NCOR2: variants seen among roughly 807,000 people sequenced by gnomAD.
The protein encoded by NCOR2 is nuclear receptor corepressor 2.
NCOR2 carries 81 observed loss-of-function variants against 262.9 expected under a neutral mutation model. The observed-to-expected ratio is 0.31, with a 90% CI of 0.26 to 0.37. The LOEUF is 0.37. Ranked by LOEUF, NCOR2 falls within the 10% of genes least tolerant of loss-of-function variation. The probability of loss-of-function intolerance (pLI) is 1.00; values close to 1 mark genes in which losing one functional copy is unlikely to be tolerated. For synonymous variants in NCOR2, 1,659 were observed against 1,559.3 expected (o/e 1.06, Z -1.51); for missense variants, 3,385 against 3,621.4 (o/e 0.93, Z 1.68).
chr12:124,387,879 C>T (rs1186451242), intron 16 of NCOR2, among the ~76,000 whole-genome samples: 1 of 152,086 alleles, frequency 6.6e-6, no homozygotes, highest in African/African-American at 2.4e-5. Context: ...GGGCGGGTCT[C>T]CCATCTGGGC....
chr12:124,515,777 CATGT>C (rs1034460481), intron 1 of NCOR2, among the ~76,000 whole-genome samples: 2 of 151,510 alleles, frequency 1.3e-5, no homozygotes, highest in African/African-American at 2.4e-5. Context: ...CGTGAGTGTG[CATGT>C]ATGTGTGTGC....
chr12:124,508,119 C>T (rs1219296913), intron 1 of NCOR2, among the ~76,000 whole-genome samples: 3 of 152,256 alleles, frequency 2.0e-5, no homozygotes, highest in Non-Finnish European at 2.9e-5. Flanking sequence ...CTCCTGCCTC[C>T]CCAACCCATC....
At chr12:124,400,806 G>T in intron 14 of NCOR2, 133 bp from the exon 17 acceptor site, 1 of 1,178,724 alleles carries the variant, frequency 8.5e-7, no homozygotes, top group Non-Finnish European at 1.2e-6. Flanking sequence ...CTAGGAAAGA[G>T]GGGGAGAGGC....
intron 13 of NCOR2, among the ~76,000 whole-genome samples, chr12:124,405,765 C>T (rs933569423): frequency 1.3e-5 from 2 of 152,174 alleles, no homozygotes; most frequent in Non-Finnish European, 2.9e-5. Flanking sequence ...TGGGGGGACC[C>T]GGCAGCCGGC....
intron 27 of NCOR2, among the ~76,000 whole-genome samples, chr12:124,353,513 C>T (rs1043745355): frequency 2.0e-5 from 3 of 152,240 alleles, no homozygotes; most frequent in Admixed American, 6.5e-5. Context: ...CATGCATGCA[C>T]GTGTGCAAGT....
chr12:124,459,811 A>G (rs1038312622), intron 5 of NCOR2, among the ~76,000 whole-genome samples: 5 of 152,096 alleles, frequency 3.3e-5, no homozygotes, highest in African/African-American at 1.2e-4. Context: ...TGCCACCCTG[A>G]GCACCAAATC....
At chr12:124,436,655 A>G (rs1163412618) in intron 8 of NCOR2, among the ~76,000 whole-genome samples, 2 of 152,200 alleles carry the variant, frequency 1.3e-5, no homozygotes, top group African/African-American at 4.8e-5. Flanking sequence ...ACTGGTTCAC[A>G]GGACGCAGGC....
intron 3 of NCOR2, among the ~76,000 whole-genome samples, chr12:124,479,373 GCACA>G (rs200579269): frequency 0.017 from 2,566 of 151,292 alleles, 66 homozygotes; most frequent in African/African-American, 0.059. Flanking sequence ...GCACACTCAC[GCACA>G]CACACAAACA....
At chr12:124,374,791 T>A (rs537653031) in intron 18 of NCOR2, among the ~76,000 whole-genome samples, 2 of 152,360 alleles carry the variant, frequency 1.3e-5, no homozygotes, top group East Asian at 3.9e-4. Flanking sequence ...ATCAGCCTCC[T>A]GGTGGAACCA....
intron 24 of NCOR2, 138 bp downstream of exon 26, chr12:124,355,294 G>C: frequency 9.2e-7 from 1 of 1,085,990 alleles, no homozygotes. Flanking sequence ...GACCCAGCCA[G>C]CTCAGACCCC....
At chr12:124,337,272 C>T in intron 37 of NCOR2, 92 bp from the exon 40 acceptor site, 1 of 1,398,162 alleles carries the variant, frequency 7.2e-7, no homozygotes, top group Non-Finnish European at 9.9e-7. Context: ...GGGATAAATC[C>T]ACATCCCCTG....
intron 37 of NCOR2, among the ~76,000 whole-genome samples, chr12:124,338,887 A>T (rs2036129105): frequency 7.0e-6 from 1 of 142,738 alleles, no homozygotes; most frequent in African/African-American, 2.5e-5. Flanking sequence ...TCCATCATCC[A>T]CCTAACCCTA....
chr12:124,432,680 G>C lies in NCOR2; in HGVS notation c.883-1893C>G, dbSNP rs968698424. The stretch of plus-strand genomic sequence containing the variant: ...CCCAGCCTCACCCCAAGGACCAGCT[G>C]TGAGGACCCCAGCAGCTCCCAGAGA... On this transcript the variant is annotated intron_variant, in intron 8 of 46. Coordinates refer to ENST00000405201, the Ensembl canonical transcript of NCOR2. The surrounding 1 kb of genome is among the most constrained non-coding windows in gnomAD (Gnocchi z 5.1). Among the ~76,000 whole-genome samples the C allele has an allele frequency of 6.6e-6, 1 of 152,192 alleles. No homozygotes were observed. Among genetic ancestry groups the C allele is most frequent in the Non-Finnish European group, 1.5e-5 (1 of 68,030 alleles).
chr12:124,379,114 G>C (rs1330870635), intron 17 of NCOR2, among the ~76,000 whole-genome samples: 1 of 42,406 alleles, frequency 2.4e-5, no homozygotes, highest in Non-Finnish European at 6.8e-5. Flanking sequence ...TGACGGCGGA[G>C]GGAATGGGCC....
At chr12:124,534,504 T>C (rs1273538024) in intron 1 of NCOR2, among the ~76,000 whole-genome samples, 1 of 152,006 alleles carries the variant, frequency 6.6e-6, no homozygotes, top group African/African-American at 2.4e-5. Flanking sequence ...CACTGTCATA[T>C]ATGCGGTCCA....
At chr12:124,386,219 G>A (rs2040794495) in intron 16 of NCOR2, among the ~76,000 whole-genome samples, 2 of 152,092 alleles carry the variant, frequency 1.3e-5, no homozygotes, top group Non-Finnish European at 2.9e-5. Flanking sequence ...GGGGCGGAGG[G>A]CTGTGAATAT....
At chr12:124,479,559 G>A (rs922125884) in intron 3 of NCOR2, among the ~76,000 whole-genome samples, 10 of 151,736 alleles carry the variant, frequency 6.6e-5, no homozygotes, top group Non-Finnish European at 1.0e-4. Flanking sequence ...ACACAAACGC[G>A]CACACACACG....
intron 17 of NCOR2, among the ~76,000 whole-genome samples, chr12:124,379,017 A>G (rs7967847): frequency 2.2e-4 from 25 of 116,190 alleles, no homozygotes; most frequent in South Asian, 2.8e-4. Flanking sequence ...GTGAAACAGG[A>G]TGGGACAAGG....
intron 7 of NCOR2, among the ~76,000 whole-genome samples, chr12:124,441,547 C>G (rs117300401): frequency 3.9e-5 from 6 of 152,184 alleles, no homozygotes; most frequent in African/African-American, 1.4e-4. Flanking sequence ...ACCCAACCAC[C>G]GCTGGCAAGA....
Sources: gnomAD v4.1 joint callset for allele counts (sites outside exome capture counted in the v4.1 genomes callset) on GRCh38, gnomAD v4.1.1 for gene constraint, Gnocchi (gnomAD v3.1) non-coding constraint, MANE v1.5 for transcripts, NCBI Gene and HGNC (gene_info 2026-07-23, HGNC 2026-07-21) for gene names.